The following GPC6 variants were observed in gnomAD, a reference collection of about 807,000 sequenced individuals.
The protein encoded by GPC6 is glypican 6.
A neutral mutation model predicts 55.2 loss-of-function variants in GPC6; 14 were observed. That is an observed-to-expected ratio of 0.25 (90% CI 0.17 to 0.40). The LOEUF (loss-of-function observed/expected upper bound fraction) is 0.40. Among genes scored for constraint, GPC6 ranks in the 10% least tolerant of loss-of-function variants. GPC6 has a pLI of 1.00. For synonymous variants in GPC6, 278 were observed against 259.6 expected (o/e 1.07, Z -0.68); for missense variants, 641 against 708.5 (o/e 0.90, Z 1.08).
At chr13:93,501,044 C>T (rs2590515) in intron 1 of GPC6, among the ~76,000 whole-genome samples, 1 of 151,924 alleles carries the variant, frequency 6.6e-6, no homozygotes, top group Admixed American at 6.6e-5. Flanking sequence ...TATCCACACA[C>T]GAGAACTTTA....
chr13:94,142,414 T>C (rs1887411364), intron 4 of GPC6, among the ~76,000 whole-genome samples: 1 of 152,202 alleles, frequency 6.6e-6, no homozygotes, highest in South Asian at 2.1e-4. Context: ...GAAAATAGTA[T>C]ACGTTCTAGT....
chr13:93,820,634 A>G (rs1340903345), intron 2 of GPC6, among the ~76,000 whole-genome samples: 1 of 151,538 alleles, frequency 6.6e-6, no homozygotes, highest in Non-Finnish European at 1.5e-5. Context: ...GGAAATTGTA[A>G]TAACAATAGT....
intron 5 of GPC6, among the ~76,000 whole-genome samples, chr13:94,303,433 G>A (rs1413545808): frequency 6.6e-6 from 1 of 152,054 alleles, no homozygotes; most frequent in Non-Finnish European, 1.5e-5. Context: ...ATTCTTAATC[G>A]GCCTAGGAAA....
chr13:93,636,922 G>A (rs955190738), intron 2 of GPC6, among the ~76,000 whole-genome samples: 2 of 142,044 alleles, frequency 1.4e-5, no homozygotes, highest in Non-Finnish European at 3.1e-5. Context: ...CAGAATAATG[G>A]TATAGTTTTT....
intron 1 of GPC6, among the ~76,000 whole-genome samples, chr13:93,280,053 A>G (rs1436646040): frequency 6.6e-6 from 1 of 152,214 alleles, no homozygotes; most frequent in Non-Finnish European, 1.5e-5. Context: ...ATGCCAAGTC[A>G]GTGATGAAAA....
intron 3 of GPC6, among the ~76,000 whole-genome samples, chr13:93,898,801 T>TTAGGAAGG (rs1326049578): frequency 1.3e-5 from 2 of 151,590 alleles, no homozygotes; most frequent in Non-Finnish European, 2.9e-5. Flanking sequence ...AGAGCACAGC[T>TTAGGAAGG]TAGGAAGGGC....
chr13:93,472,791 C>T (rs1001278814), intron 1 of GPC6, among the ~76,000 whole-genome samples: 25 of 152,322 alleles, frequency 1.6e-4, no homozygotes, highest in African/African-American at 5.8e-4. Flanking sequence ...GGTCCGAGTT[C>T]TTCTCTTGCA....
chr13:93,698,485 CTTTTTTTTTTTT>C (rs57058820), intron 2 of GPC6, among the ~76,000 whole-genome samples: 2 of 32,442 alleles, frequency 6.2e-5, no homozygotes, highest in South Asian at 1.5e-3. Flanking sequence ...CTGTGTGGGT[CTTTTTTTTTTTT>C]TTTTTTTTTT....
chr13:93,757,096 A>C (rs185053666), intron 2 of GPC6, among the ~76,000 whole-genome samples: 4 of 152,268 alleles, frequency 2.6e-5, no homozygotes, highest in Non-Finnish European at 5.9e-5. Context: ...AACAAGAAAA[A>C]CCAACCAAAT....
intron 3 of GPC6, among the ~76,000 whole-genome samples, chr13:93,943,239 G>A (rs561926736): frequency 3.9e-5 from 6 of 152,010 alleles, no homozygotes; most frequent in Non-Finnish European, 7.4e-5. Context: ...AATATACTAC[G>A]TATACTATAC....
intron 7 of GPC6, among the ~76,000 whole-genome samples, chr13:94,389,590 A>G (rs541195310): frequency 1.3e-5 from 2 of 152,286 alleles, no homozygotes; most frequent in Admixed American, 1.3e-4. Context: ...AACTTCTTGT[A>G]GCATTGTTTT....
chr13:94,160,443 T>C (rs1446143847), intron 4 of GPC6, among the ~76,000 whole-genome samples: 2 of 152,196 alleles, frequency 1.3e-5, no homozygotes, highest in African/African-American at 4.8e-5. Context: ...CTACATAATT[T>C]TTGAGGGCCA....
At chr13:93,318,156 G>C (rs912913949) in intron 1 of GPC6, among the ~76,000 whole-genome samples, 1 of 152,086 alleles carries the variant, frequency 6.6e-6, no homozygotes, top group Non-Finnish European at 1.5e-5. Context: ...CTAGAAAGTG[G>C]ACACATAGAG....
In GPC6 at chr13:93,547,610, T is replaced by C. The variant is rs145563350; in HGVS notation, c.319+2189T>C. Among the ~76,000 whole-genome samples the C allele has an allele frequency of 4.2e-3, 642 of 152,270 alleles. 8 individuals are homozygous for C. The highest frequency in any genetic ancestry group is 0.014 in the African/African-American group (582 of 41,566). ...ACATTGATTTTGCTAAGATTAGATC[T>C]GACCTAAGGGAGGATGAATTCTTTA... On this transcript the variant is annotated intron_variant, in intron 2 of 8. Coordinates refer to ENST00000377047, the MANE Select transcript of GPC6 (RefSeq NM_005708.5).
chr13:93,746,818 T>C (rs561196804), intron 2 of GPC6, among the ~76,000 whole-genome samples: 2 of 152,288 alleles, frequency 1.3e-5, no homozygotes, highest in South Asian at 4.2e-4. Flanking sequence ...TTGTACAAGC[T>C]GTTAAAGTGA....
Position 94,327,722 on chromosome 13 carries a change from G to A in GPC6, c.1152+21599G>A, listed in dbSNP as rs540487491. Among the ~76,000 whole-genome samples the A allele has an allele frequency of 7.2e-5, 11 of 152,198 alleles. 1 individual carries two copies. Among genetic ancestry groups the A allele is most frequent in the African/African-American group, 2.6e-4 (11 of 41,546 alleles). ...GGAGTATTTTTGTGAGAGGTTTTTC[G>A]TCTTTGTTTTTTCACTTTATTAACA... On this transcript the variant is annotated intron_variant, in intron 6 of 8. Coordinates refer to ENST00000377047, the MANE Select transcript of GPC6 (RefSeq NM_005708.5).
At chr13:93,880,604 A>G (rs1421039523) in intron 3 of GPC6, among the ~76,000 whole-genome samples, 1 of 152,104 alleles carries the variant, frequency 6.6e-6, no homozygotes, top group African/African-American at 2.4e-5. Flanking sequence ...TGGGAGATAT[A>G]CCCAATGCTA....
At chr13:93,641,581 T>C (rs894636928) in intron 2 of GPC6, among the ~76,000 whole-genome samples, 5 of 152,104 alleles carry the variant, frequency 3.3e-5, no homozygotes, top group African/African-American at 9.7e-5. Flanking sequence ...TTACTCAAAG[T>C]AGGAAGCTGT....
chr13:93,590,710 G>T (rs1235742679), intron 2 of GPC6, among the ~76,000 whole-genome samples: 1 of 152,130 alleles, frequency 6.6e-6, no homozygotes, highest in East Asian at 1.9e-4. Context: ...ATGACTGATA[G>T]AAAGTCATAA....
Sources: gnomAD v4.1 joint callset for allele counts (sites outside exome capture counted in the v4.1 genomes callset) on GRCh38, gnomAD v4.1.1 for gene constraint, MANE v1.5 for transcripts, NCBI Gene and HGNC (gene_info 2026-07-23, HGNC 2026-07-21) for gene names.